PPP2R2B: variants seen among roughly 807,000 people sequenced by gnomAD.
PPP2R2B encodes the protein protein phosphatase 2 regulatory subunit Bbeta.
In PPP2R2B, 5 loss-of-function variants were observed where a neutral mutation model predicts 46.0. The ratio of observed to expected loss-of-function variants is 0.11; its 90% CI spans 0.06 to 0.23. PPP2R2B has a LOEUF of 0.23. Among genes scored for constraint, PPP2R2B ranks in the 10% least tolerant of loss-of-function variants. The probability of loss-of-function intolerance (pLI) is 1.00; values close to 1 mark genes in which losing one functional copy is unlikely to be tolerated. For missense variants in PPP2R2B, 367 were observed against 575.0 expected, an observed-to-expected ratio of 0.64 and a Z score of 3.70; for synonymous variants, 215 against 206.7, an observed-to-expected ratio of 1.04 and a Z score of -0.34.
intron 2 of PPP2R2B, among the ~76,000 whole-genome samples, chr5:146,780,058 C>T (rs918084778): frequency 6.6e-6 from 1 of 151,924 alleles, no homozygotes; most frequent in South Asian, 2.1e-4. Context: ...AATGATGTAA[C>T]GTGGGGTTAA....
intron 1 of PPP2R2B, among the ~76,000 whole-genome samples, chr5:146,898,505 T>C (rs1316623966): frequency 6.6e-6 from 1 of 151,896 alleles, no homozygotes; most frequent in Non-Finnish European, 1.5e-5. Context: ...ACATTAGACC[T>C]AAAACCATAA....
At chr5:146,769,341 G>T (rs1754694349) in intron 2 of PPP2R2B, among the ~76,000 whole-genome samples, 1 of 152,142 alleles carries the variant, frequency 6.6e-6, no homozygotes, top group Non-Finnish European at 1.5e-5. Flanking sequence ...GAAACTCTGG[G>T]GTGTGGCAAA....
Position 146,608,438 on chromosome 5 carries a change from A to C in PPP2R2B, c.791-7978T>G, listed in dbSNP as rs527748788. ...TCTTGTTAAGACGCAACTTATCTTT[A>C]AAATGTAGACATCAATATCTTATTT... On this transcript the variant is annotated intron_variant, in intron 7 of 9. Transcript: ENST00000394411. Among the ~76,000 whole-genome samples the C allele has an allele frequency of 2.0e-5, 3 of 152,292 alleles. No individual in the cohort carries two copies. In the South Asian group the frequency reaches 6.2e-4, roughly 32 times the overall value.
chr5:146,856,566 T>A, intron 2 of PPP2R2B: 1 of 1,612,780 alleles, frequency 6.2e-7, no homozygotes, highest in Non-Finnish European at 8.5e-7. Context: ...TTCTCTGTCT[T>A]GGGTTCTCCC....
intron 7 of PPP2R2B, among the ~76,000 whole-genome samples, chr5:146,634,563 A>T (rs1351699624): frequency 6.6e-6 from 1 of 151,946 alleles, no homozygotes; most frequent in East Asian, 1.9e-4. Flanking sequence ...TCAGACTCCC[A>T]GCCTTGGGTG....
chr5:146,895,419 G>A (rs1440542923), intron 1 of PPP2R2B, among the ~76,000 whole-genome samples: 2 of 152,152 alleles, frequency 1.3e-5, no homozygotes, highest in African/African-American at 4.8e-5. Context: ...TACTCAGTAA[G>A]CTCATGAAAG....
chr5:146,862,448 C>T (rs1761060461), intron 2 of PPP2R2B, among the ~76,000 whole-genome samples: 2 of 152,148 alleles, frequency 1.3e-5, no homozygotes, highest in South Asian at 4.1e-4. Context: ...GAACTTGGAC[C>T]TCAGTTGCCA....
At chr5:146,707,932 T>G (rs967437124) in intron 2 of PPP2R2B, among the ~76,000 whole-genome samples, 3 of 152,214 alleles carry the variant, frequency 2.0e-5, no homozygotes, top group Admixed American at 6.5e-5. Flanking sequence ...TCTTCGGTAT[T>G]TTCTATATTT....
intron 2 of PPP2R2B, among the ~76,000 whole-genome samples, chr5:146,768,074 G>T (rs1229566971): frequency 6.6e-6 from 1 of 151,342 alleles, no homozygotes; most frequent in East Asian, 1.9e-4. Flanking sequence ...TTAACAATTG[G>T]TTTTCTTTTT....
At chr5:146,979,114 T>C (rs1290793148) in intron 1 of PPP2R2B, among the ~76,000 whole-genome samples, 1 of 152,174 alleles carries the variant, frequency 6.6e-6, no homozygotes, top group Non-Finnish European at 1.5e-5. Flanking sequence ...CCTTGCTATT[T>C]CTCTAATAGG....
intron 7 of PPP2R2B, among the ~76,000 whole-genome samples, chr5:146,601,543 C>A (rs1369837994): frequency 6.6e-6 from 1 of 152,140 alleles, no homozygotes; most frequent in East Asian, 1.9e-4. Flanking sequence ...GAGATCCTGT[C>A]TTCAGAAAAG....
chr5:146,713,088 A>T (rs1214234220), intron 2 of PPP2R2B, among the ~76,000 whole-genome samples: 14 of 152,242 alleles, frequency 9.2e-5, no homozygotes, highest in Admixed American at 9.2e-4. Flanking sequence ...GCTGAGTAAG[A>T]TGAACAGGAC....
At chr5:146,748,957 G>A (rs887051923) in intron 2 of PPP2R2B, among the ~76,000 whole-genome samples, 3 of 152,106 alleles carry the variant, frequency 2.0e-5, no homozygotes, top group Non-Finnish European at 2.9e-5. Flanking sequence ...TCATGTTTAG[G>A]TTTTTAAGAA....
intron 1 of PPP2R2B, among the ~76,000 whole-genome samples, chr5:146,953,342 T>C (rs1269353337): frequency 6.6e-6 from 1 of 152,176 alleles, no homozygotes; most frequent in Non-Finnish European, 1.5e-5. Flanking sequence ...CTCCAGTTCA[T>C]TTGCAAGGTT....
intron 1 of PPP2R2B, among the ~76,000 whole-genome samples, chr5:146,972,861 T>C (rs1352849301): frequency 1.3e-5 from 2 of 152,238 alleles, no homozygotes; most frequent in African/African-American, 2.4e-5. Context: ...CTAATCAATC[T>C]TATTTTTGTC....
At chr5:146,833,696 C>T (rs116630650) in intron 2 of PPP2R2B, among the ~76,000 whole-genome samples, 3,455 of 152,054 alleles carry the variant, frequency 0.023, 56 homozygotes, top group Non-Finnish European at 0.037. Context: ...GAGTGTCAGG[C>T]GGGCCGTGTC....
upstream of PPP2R2B, among the ~76,000 whole-genome samples, chr5:146,881,080 G>T (rs980590541): frequency 1.5e-4 from 23 of 152,120 alleles, no homozygotes; most frequent in Non-Finnish European, 5.9e-5. Flanking sequence ...GGGAGAGAGT[G>T]GGGGAGATGG....
intron 1 of PPP2R2B, among the ~76,000 whole-genome samples, chr5:146,979,545 C>T (rs1467121810): frequency 6.7e-6 from 1 of 148,180 alleles, no homozygotes; most frequent in Non-Finnish European, 1.5e-5. Context: ...AATATTGAAT[C>T]TTCCCACCTT....
At chr5:146,849,228 C>T (rs1417462259) in intron 2 of PPP2R2B, among the ~76,000 whole-genome samples, 1 of 152,144 alleles carries the variant, frequency 6.6e-6, no homozygotes, top group Non-Finnish European at 1.5e-5. Context: ...TCTCAGCTGA[C>T]ACAGAAAGAA....
Sources: gnomAD v4.1 joint callset for allele counts (sites outside exome capture counted in the v4.1 genomes callset) on GRCh38, gnomAD v4.1.1 for gene constraint, MANE v1.5 for transcripts, NCBI Gene and HGNC (gene_info 2026-07-23, HGNC 2026-07-21) for gene names.